Variants in TPRX1 observed in about 807,000 individuals in gnomAD.
TPRX1 encodes tetrapeptide repeat homeobox 1, also known as tetra-peptide repeat homeobox protein 1.
Under a neutral mutation model 8.1 loss-of-function variants are expected in TPRX1, and 2 were observed. The ratio of observed to expected loss-of-function variants is 0.25; its 90% CI spans 0.10 to 0.78. TPRX1 has a LOEUF of 0.78. TPRX1 is among the 30% of genes least tolerant of loss of function. The pLI is 0.70. For synonymous variants in TPRX1, 257 were observed against 254.1 expected, an observed-to-expected ratio of 1.01 and a Z score of -0.11; for missense variants, 517 against 586.9, an observed-to-expected ratio of 0.88 and a Z score of 1.23.
intron 2 of TPRX1, among the ~76,000 whole-genome samples, chr19:47,811,096 C>T (rs1011929657): frequency 4.6e-5 from 7 of 151,398 alleles, no homozygotes; most frequent in Admixed American, 2.0e-4. Context: ...TTCTGCCTCC[C>T]GGGTTCAAGG....
exon 4 of TPRX1, chr19:47,802,673 A>T: frequency 6.4e-7 from 1 of 1,561,720 alleles, no homozygotes. Flanking sequence ...TGAGCCAGGG[A>T]GTGGGCCTGG....
intron 2 of TPRX1, among the ~76,000 whole-genome samples, chr19:47,811,496 CTT>C (rs34677329): frequency 4.3e-3 from 513 of 118,460 alleles, no homozygotes; most frequent in African/African-American, 0.015. Context: ...TTCATGGCAA[CTT>C]TTTTTTTTTT....
At chr19:47,806,051 C>A (rs1375162236) in intron 2 of TPRX1, among the ~76,000 whole-genome samples, 1 of 149,572 alleles carries the variant, frequency 6.7e-6, no homozygotes, top group Non-Finnish European at 1.5e-5. Flanking sequence ...ATGGCGAAAC[C>A]CTGTCTACTA....
At chr19:47,802,857 C>T (rs769538938) in exon 4 of TPRX1, 1 of 1,599,908 alleles carries the variant, frequency 6.3e-7, no homozygotes, top group South Asian at 1.1e-5. Flanking sequence ...GGTGCGGAGG[C>T]AGAGGCTGCA....
rs572825360 is a variant in TPRX1, at chr19:47,808,624, T to A, written c.152-4951A>T. On this transcript the variant is annotated intron_variant, in intron 2 of 3. Coordinates refer to ENST00000535759, the Ensembl canonical transcript of TPRX1. ...AATTTTTAAATTTTTATTTAATTTT[T>A]ATTTTATTTTTAGTAGAGATGGGGT... is the stretch of plus-strand genomic sequence containing the variant. Among the ~76,000 whole-genome samples the A allele has an allele frequency of 5.9e-5, 9 of 151,592 alleles. No homozygotes were observed. The East Asian group carries it at 7.7e-4, about 13-fold the overall frequency.
chr19:47,808,987 C>G (rs1830095767), intron 2 of TPRX1, among the ~76,000 whole-genome samples: 1 of 152,086 alleles, frequency 6.6e-6, no homozygotes, highest in Admixed American at 6.6e-5. Context: ...AAATGATGAT[C>G]TTTAATGTAT....
At chr19:47,817,764 T>C (rs73565755) in intron 2 of TPRX1, among the ~76,000 whole-genome samples, 9,135 of 152,224 alleles carry the variant, frequency 0.06, 900 homozygotes, top group African/African-American at 0.21. Context: ...CAGGAGCCCA[T>C]ATGAAGGGCC....
intron 2 of TPRX1, among the ~76,000 whole-genome samples, chr19:47,811,167 C>T (rs2123717182): frequency 6.6e-6 from 1 of 151,624 alleles, no homozygotes; most frequent in Non-Finnish European, 1.5e-5. Flanking sequence ...CCATGCTTGG[C>T]TAATTTTTGT....
chr19:47,815,811 C>CA (rs967428848), intron 2 of TPRX1, among the ~76,000 whole-genome samples: 69 of 146,230 alleles, frequency 4.7e-4, no homozygotes, highest in East Asian at 2.2e-3. Context: ...GACCCTGTCT[C>CA]AAAAAAAAAA....
At chr19:47,803,404 G>C in intron 3 of TPRX1, 100 bp downstream of exon 2, 1 of 672,182 alleles carries the variant, frequency 1.5e-6, no homozygotes, top group Admixed American at 2.3e-5. Flanking sequence ...TTGCGTGGCA[G>C]GGCGGGAGGT....
intron 2 of TPRX1, among the ~76,000 whole-genome samples, chr19:47,804,769 C>T (rs1029531380): frequency 1.3e-5 from 2 of 152,232 alleles, no homozygotes; most frequent in African/African-American, 4.8e-5. Flanking sequence ...GTGGACAACA[C>T]AGCCTTGGTT....
chr19:47,805,015 T>C (rs1202350041), intron 2 of TPRX1, among the ~76,000 whole-genome samples: 1 of 152,160 alleles, frequency 6.6e-6, no homozygotes. Flanking sequence ...TATCCCTCCT[T>C]CCTGGATGAC....
At chr19:47,811,179 T>G (rs1967779446) in intron 2 of TPRX1, among the ~76,000 whole-genome samples, 1 of 151,294 alleles carries the variant, frequency 6.6e-6, no homozygotes, top group South Asian at 2.1e-4. Flanking sequence ...AATTTTTGTA[T>G]TTTTAGTAGA....
At chr19:47,802,475 A>T (rs1599949608) in exon 4 of TPRX1, 1 of 1,527,824 alleles carries the variant, frequency 6.5e-7, no homozygotes. Flanking sequence ...TGGGCCTGGG[A>T]TCGGGCCTGG....
exon 4 of TPRX1, chr19:47,802,952 A>G: frequency 1.3e-6 from 2 of 1,555,098 alleles, no homozygotes; most frequent in Non-Finnish European, 1.7e-6. Flanking sequence ...CTCCCGAGCT[A>G]GTTTGGCGCG....
chr19:47,805,763 C>G (rs1326822427), intron 2 of TPRX1, among the ~76,000 whole-genome samples: 1 of 152,176 alleles, frequency 6.6e-6, no homozygotes, highest in Non-Finnish European at 1.5e-5. Context: ...AGATTTTGCA[C>G]CATGGCTATT....
At chr19:47,809,603 A>C (rs1046418147) in intron 2 of TPRX1, among the ~76,000 whole-genome samples, 1 of 152,192 alleles carries the variant, frequency 6.6e-6, no homozygotes, top group Admixed American at 6.6e-5. Flanking sequence ...ATAACAACAA[A>C]GATAAAAACT....
chr19:47,803,087 CCCCCCAT>C, intron 3 of TPRX1, 107 bp from the exon 3 acceptor site: 1 of 1,287,534 alleles, frequency 7.8e-7, no homozygotes, highest in Non-Finnish European at 1.0e-6. Context: ...TGCTCAACAG[CCCCCCAT>C]CCCCCACCCC....
At chr19:47,802,886 C>T (rs767517732) in exon 4 of TPRX1, 4 of 1,579,818 alleles carry the variant, frequency 2.5e-6, no homozygotes, top group South Asian at 2.3e-5. Context: ...GGGCGCAGCG[C>T]GGGCTCCTCG....
Sources: gnomAD v4.1 joint callset for allele counts (sites outside exome capture counted in the v4.1 genomes callset) on GRCh38, gnomAD v4.1.1 for gene constraint, MANE v1.5 for transcripts, NCBI Gene and HGNC (gene_info 2026-07-23, HGNC 2026-07-21) for gene names.